STK32B: variants seen among roughly 807,000 people sequenced by gnomAD.
STK32B encodes the protein serine/threonine kinase 32B, also known as serine/threonine-protein kinase 32B.
A neutral mutation model predicts 52.6 loss-of-function variants in STK32B; 43 were observed. The observed-to-expected ratio is 0.82, with a 90% CI of 0.64 to 1.05. The LOEUF is 1.05. Ranked by LOEUF, STK32B falls within the 50% of genes least tolerant of loss-of-function variation. STK32B has a pLI of 0.00. For missense variants in STK32B, 621 were observed against 534.6 expected (o/e 1.16, Z -1.59); for synonymous variants, 238 against 204.3 (o/e 1.17, Z -1.41).
chr4:5,320,160 C>G (rs1254553183), intron 3 of STK32B, among the ~76,000 whole-genome samples: 1 of 152,116 alleles, frequency 6.6e-6, no homozygotes, highest in Non-Finnish European at 1.5e-5. Flanking sequence ...CTATGTGTTT[C>G]TACACTACCT....
intron 1 of STK32B, among the ~76,000 whole-genome samples, chr4:5,078,084 C>T (rs528863654): frequency 1.2e-4 from 19 of 152,214 alleles, no homozygotes; most frequent in South Asian, 4.1e-4. Context: ...AATCCCCATA[C>T]GATAGTGTCC....
intron 3 of STK32B, among the ~76,000 whole-genome samples, chr4:5,319,346 C>T (rs1159736643): frequency 2.0e-5 from 3 of 152,182 alleles, no homozygotes; most frequent in Non-Finnish European, 4.4e-5. Context: ...AGCAATATTG[C>T]CTCAACTGCT....
rs1184984577 is a variant in STK32B, at chr4:5,498,585, C to A, written c.1107-360C>A. ...TGAATGAATGATACCTGGGACTCAC[C>A]ACCTTTACCGACTGTGAGCTTGGGA... On this transcript the variant is annotated intron_variant, in intron 11 of 11. Coordinates refer to ENST00000282908, the MANE Select transcript of STK32B (RefSeq NM_018401.3). 3.3e-5 allele frequency among the ~76,000 whole-genome samples: 5 copies of A among 152,250 alleles called. 1 individual carries two copies. The highest frequency in any genetic ancestry group is 3.3e-4 in the Admixed American group (5 of 15,282).
intron 3 of STK32B, among the ~76,000 whole-genome samples, chr4:5,270,022 A>G (rs1266070676): frequency 6.6e-6 from 1 of 152,228 alleles, no homozygotes; most frequent in Non-Finnish European, 1.5e-5. Flanking sequence ...GATCATCTCT[A>G]TAGAAGCAGA....
At chr4:5,310,601 G>C (rs938344573) in intron 3 of STK32B, among the ~76,000 whole-genome samples, 3 of 152,002 alleles carry the variant, frequency 2.0e-5, no homozygotes, top group Non-Finnish European at 4.4e-5. Flanking sequence ...ATTCAAATTA[G>C]TATAGCCATT....
intron 4 of STK32B, among the ~76,000 whole-genome samples, chr4:5,363,687 A>G (rs1249614995): frequency 2.0e-5 from 3 of 152,192 alleles, no homozygotes; most frequent in Non-Finnish European, 4.4e-5. Flanking sequence ...GGTGGAGAAA[A>G]GCATTTTTGA....
chr4:5,230,110 C>G (rs1348384279), intron 3 of STK32B, among the ~76,000 whole-genome samples: 1 of 151,296 alleles, frequency 6.6e-6, no homozygotes, highest in Admixed American at 6.6e-5. Context: ...ATTCTCCTGC[C>G]TCAGCCTCCC....
chr4:5,084,065 T>G (rs1018783792), intron 1 of STK32B, among the ~76,000 whole-genome samples: 2 of 152,196 alleles, frequency 1.3e-5, no homozygotes, highest in Non-Finnish European at 2.9e-5. Context: ...ACTTTCTATG[T>G]CTGTTTCTCT....
chr4:5,276,091 C>G (rs1432573087), intron 3 of STK32B, among the ~76,000 whole-genome samples: 2 of 152,028 alleles, frequency 1.3e-5, no homozygotes, highest in Non-Finnish European at 2.9e-5. Context: ...GAGTTCAAGA[C>G]CAGCCTGGCC....
chr4:5,324,243 A>T (rs547318149), intron 3 of STK32B, among the ~76,000 whole-genome samples: 3 of 152,178 alleles, frequency 2.0e-5, no homozygotes, highest in African/African-American at 4.8e-5. Flanking sequence ...AATCCCAGCT[A>T]CTGGGGAGGG....
In STK32B at chr4:5,460,013, A is replaced by G. The variant is rs969571162; in HGVS notation, c.784-90A>G. The G allele has an allele frequency of 1.0e-5, 16 of 1,590,356 alleles. No homozygotes were observed. The highest frequency in any genetic ancestry group is 1.3e-5 in the African/African-American group (1 of 74,422). ...AATAGAGCGTGAAGAGCAGAGGCAC[A>G]TTAATTGCCCTGAGACCCCCTCCTT... On this transcript the variant is annotated intron_variant, in intron 8 of 11. Coordinates refer to ENST00000282908, the MANE Select transcript of STK32B (RefSeq NM_018401.3). The surrounding 1 kb of genome is among the most constrained non-coding windows in gnomAD (Gnocchi z 4.8).
intron 11 of STK32B, among the ~76,000 whole-genome samples, chr4:5,481,844 C>A (rs1718739383): frequency 1.3e-5 from 2 of 152,276 alleles, no homozygotes; most frequent in South Asian, 4.1e-4. Context: ...AATAGGGAAT[C>A]ATTTCCCCAT....
chr4:5,329,965 C>T (rs534167372), intron 3 of STK32B, among the ~76,000 whole-genome samples: 45 of 152,268 alleles, frequency 3.0e-4, no homozygotes, highest in Admixed American at 2.6e-3. Context: ...GCACCAGGCT[C>T]CCTCCCCAGG....
At chr4:5,036,373 C>G in the STK32B span, among the ~76,000 whole-genome samples, 1 of 152,146 alleles carries the variant, frequency 6.6e-6, no homozygotes, top group African/African-American at 2.4e-5. Flanking sequence ...TCATCATCCT[C>G]GACACAGCAG....
intron 3 of STK32B, among the ~76,000 whole-genome samples, chr4:5,330,871 C>T (rs1503306): frequency 0.07 from 10,706 of 152,198 alleles, 661 homozygotes; most frequent in African/African-American, 0.17. Context: ...CTAGCTCCTA[C>T]GAACAGTGAC....
rs192402226 is a variant in STK32B, at chr4:5,219,681, C to G, written c.260+51231C>G. Among the ~76,000 whole-genome samples the G allele has an allele frequency of 2.7e-3, 404 of 152,342 alleles. 2 individuals carry two copies. Among genetic ancestry groups the G allele is most frequent in the African/African-American group, 8.8e-3 (364 of 41,586 alleles). On this transcript the variant is annotated intron_variant, in intron 3 of 11. Coordinates refer to ENST00000282908, the MANE Select transcript of STK32B (RefSeq NM_018401.3). Reference sequence around the variant, plus strand: ...CCACAGTAAGAAGTCCCTGTTAGGGCTGGACTGGACCAGCACTTGACTGCG... The same window carrying G: ...CCACAGTAAGAAGTCCCTGTTAGGGGTGGACTGGACCAGCACTTGACTGCG...
the STK32B span, among the ~76,000 whole-genome samples, chr4:5,041,218 C>G: frequency 6.6e-6 from 1 of 152,108 alleles, no homozygotes; most frequent in African/African-American, 2.4e-5. Flanking sequence ...GATTTTGACT[C>G]TCTTCCTATA....
intron 6 of STK32B, among the ~76,000 whole-genome samples, chr4:5,424,243 C>T (rs1315563440): frequency 6.6e-6 from 1 of 152,098 alleles, no homozygotes; most frequent in Non-Finnish European, 1.5e-5. Context: ...TCAGAATTGG[C>T]CTGCAGGAGC....
At chr4:5,178,317 A>G (rs1293194152) in intron 3 of STK32B, among the ~76,000 whole-genome samples, 6 of 152,226 alleles carry the variant, frequency 3.9e-5, no homozygotes, top group African/African-American at 1.4e-4. Flanking sequence ...TTTCTTAGCT[A>G]CAGCTGGGAC....
Sources: allele counts gnomAD v4.1 joint callset (sites outside exome capture counted in the v4.1 genomes callset), GRCh38; gene constraint gnomAD v4.1.1; non-coding constraint Gnocchi (gnomAD v3.1); transcripts MANE v1.5; gene names NCBI Gene and HGNC (gene_info 2026-07-23, HGNC 2026-07-21).